WWOX: variants seen among roughly 807,000 people sequenced by gnomAD.
WWOX encodes the protein WW domain-containing oxidoreductase.
In WWOX, 69 loss-of-function variants were observed where a neutral mutation model predicts 46.2. The ratio of observed to expected loss-of-function variants is 1.49; its 90% CI spans 1.23 to 1.82. WWOX has a LOEUF of 1.82. WWOX is among the 40% of genes most tolerant of loss of function. WWOX has a pLI of 0.00. For synonymous variants in WWOX, 359 were observed against 202.6 expected, an observed-to-expected ratio of 1.77 and a Z score of -6.56; for missense variants, 919 against 542.6, an observed-to-expected ratio of 1.69 and a Z score of -6.89.
chr16:79,117,411 A>G (rs778383653), intron 8 of WWOX, among the ~76,000 whole-genome samples: 7 of 152,228 alleles, frequency 4.6e-5, no homozygotes, highest in Non-Finnish European at 8.8e-5. Flanking sequence ...ACGTGGTCTC[A>G]TCCAGGGTTT....
chr16:78,900,340 G>C (rs11150111), intron 8 of WWOX, among the ~76,000 whole-genome samples: 1 of 152,040 alleles, frequency 6.6e-6, no homozygotes, highest in Non-Finnish European at 1.5e-5. Context: ...GCCCAAATGA[G>C]CTGTCACTCA....
chr16:78,568,677 G>A (rs1369672595), intron 8 of WWOX, among the ~76,000 whole-genome samples: 2 of 152,048 alleles, frequency 1.3e-5, no homozygotes, highest in African/African-American at 2.4e-5. Flanking sequence ...GTTTCGCCAT[G>A]TTGGCCAGGC....
intron 5 of WWOX, among the ~76,000 whole-genome samples, chr16:78,182,980 G>A (rs1042387372): frequency 1.7e-4 from 26 of 149,616 alleles, no homozygotes; most frequent in African/African-American, 4.9e-4. Context: ...AAGAAAGAAA[G>A]CAAAGGTTTT....
At chr16:78,819,941 C>T (rs1416846058) in intron 8 of WWOX, among the ~76,000 whole-genome samples, 4 of 152,176 alleles carry the variant, frequency 2.6e-5, no homozygotes, top group African/African-American at 9.7e-5. Flanking sequence ...TATGTATTCA[C>T]TCATCTATTC....
At chr16:78,418,291 G>T (rs901267482) in intron 6 of WWOX, among the ~76,000 whole-genome samples, 1 of 151,982 alleles carries the variant, frequency 6.6e-6, no homozygotes, top group African/African-American at 2.4e-5. Context: ...GTGAACCCGG[G>T]AGGTGGAGCT....
At chr16:78,182,071 C>A (rs766466888) in intron 5 of WWOX, among the ~76,000 whole-genome samples, 10 of 152,182 alleles carry the variant, frequency 6.6e-5, no homozygotes, top group Non-Finnish European at 1.2e-4. Flanking sequence ...AGCAACGCAT[C>A]TGGAATTTAG....
chr16:79,075,197 A>C (rs1350943035), intron 8 of WWOX, among the ~76,000 whole-genome samples: 1 of 152,246 alleles, frequency 6.6e-6, no homozygotes, highest in African/African-American at 2.4e-5. Flanking sequence ...ATTTGTATGA[A>C]GCTTCCCAGG....
intron 8 of WWOX, among the ~76,000 whole-genome samples, chr16:78,959,180 T>C (rs2046226427): frequency 6.6e-6 from 1 of 152,216 alleles, no homozygotes; most frequent in African/African-American, 2.4e-5. Context: ...CAATGGGCCA[T>C]CTCTACGTCA....
Position 78,951,784 on chromosome 16 carries a change from C to T in WWOX, c.1057-259824C>T, listed in dbSNP as rs561801672. Among the ~76,000 whole-genome samples the T allele has an allele frequency of 2.0e-5, 3 of 152,224 alleles. 1 individual carries two copies. Among genetic ancestry groups the T allele is most frequent in the Non-Finnish European group, 4.4e-5 (3 of 68,028 alleles). On this transcript the variant is annotated intron_variant, in intron 8 of 8. Transcript: ENST00000566780. ...CACATACTTACAGTTGTGAAGGGGG[C>T]CAGCCAGGATGGTGGCTTGCAGGAA...
In WWOX at chr16:78,711,575, C is replaced by T. The variant is rs912560977; in HGVS notation, c.1056+278823C>T. 3.2e-4 allele frequency among the ~76,000 whole-genome samples: 49 copies of T among 152,290 alleles called. 1 individual carries two copies. The highest frequency in any genetic ancestry group is 9.4e-4 in the African/African-American group (39 of 41,562). On this transcript the variant is annotated intron_variant, in intron 8 of 8. Coordinates refer to ENST00000566780, the MANE Select transcript of WWOX (RefSeq NM_016373.4). ...TGGTGATTAAAGTGTGAGCAGATGA[C>T]GGAATGATAAACCTTAACGCTTAAA...
chr16:78,890,097 A>T (rs2044555620), intron 8 of WWOX: 1 of 152,156 alleles, frequency 6.6e-6, no homozygotes. Context: ...ACATACACAC[A>T]CATGTACACA....
intron 8 of WWOX, among the ~76,000 whole-genome samples, chr16:78,887,891 T>C (rs1259393604): frequency 6.6e-6 from 1 of 152,142 alleles, no homozygotes; most frequent in Non-Finnish European, 1.5e-5. Context: ...ATCCTAGACA[T>C]TTCATGTAAA....
At chr16:78,662,983 A>T (rs1451895572) in intron 8 of WWOX, among the ~76,000 whole-genome samples, 1 of 152,170 alleles carries the variant, frequency 6.6e-6, no homozygotes, top group African/African-American at 2.4e-5. Flanking sequence ...GTCACATCCT[A>T]TCGCTTTGGT....
chr16:79,134,494 C>T (rs1014260087), intron 8 of WWOX, among the ~76,000 whole-genome samples: 10 of 152,060 alleles, frequency 6.6e-5, no homozygotes, highest in South Asian at 2.1e-4. Context: ...ATTGTGCCTG[C>T]GGATTGTTTG....
In WWOX at chr16:78,424,843, C is replaced by T. The variant is rs756495469; in HGVS notation, c.606-27C>T. On this transcript the variant is annotated intron_variant, in intron 6 of 8. Transcript: ENST00000566780. ...TCCTTGGTTGTAGTGTTTATGTCCA[C>T]ATCACATGGGATATTTTATTTTTCA... 9 of 1,613,444 alleles carry T rather than the reference C, an allele frequency of 5.6e-6. No homozygotes were observed. In the African/African-American group the frequency reaches 1.1e-4, roughly 19 times the overall value.
chr16:78,407,466 C>G (rs922030956), intron 6 of WWOX, among the ~76,000 whole-genome samples: 1 of 152,206 alleles, frequency 6.6e-6, no homozygotes, highest in Non-Finnish European at 1.5e-5. Context: ...ATTTAATCTG[C>G]AAAATCTTGC....
At chr16:78,432,852 C>T in intron 8 of WWOX, 100 bp downstream of exon 8, 2 of 1,560,124 alleles carry the variant, frequency 1.3e-6, no homozygotes, top group African/African-American at 1.4e-5. Context: ...TGAGTCTGGT[C>T]TCAGTAATAA....
intron 5 of WWOX, among the ~76,000 whole-genome samples, chr16:78,296,616 CAG>C (rs1413320030): frequency 1.3e-5 from 2 of 151,348 alleles, no homozygotes; most frequent in African/African-American, 2.4e-5. Flanking sequence ...ACTCTGTACA[CAG>C]GGGAAATATG....
chr16:78,751,840 G>T (rs1478455995), intron 8 of WWOX, among the ~76,000 whole-genome samples: 1 of 152,052 alleles, frequency 6.6e-6, no homozygotes, highest in Non-Finnish European at 1.5e-5. Flanking sequence ...AGAAAGGAAG[G>T]AGGGAGGGAA....
Sources: allele counts gnomAD v4.1 joint callset (sites outside exome capture counted in the v4.1 genomes callset), GRCh38; gene constraint gnomAD v4.1.1; transcripts MANE v1.5; gene names NCBI Gene and HGNC (gene_info 2026-07-23, HGNC 2026-07-21).